Variants in FAM163B observed in about 807,000 individuals in gnomAD.
FAM163B encodes protein FAM163B.
A neutral mutation model predicts 7.6 loss-of-function variants in FAM163B; 4 were observed. That is an observed-to-expected ratio of 0.52 (90% CI 0.26 to 1.20). The LOEUF (loss-of-function observed/expected upper bound fraction) is 1.20. FAM163B is among the 50% of genes most tolerant of loss of function. The pLI, the probability that FAM163B is intolerant of heterozygous loss-of-function variation, is 0.14. For missense variants in FAM163B, 250 were observed against 243.0 expected (o/e 1.03, Z -0.19); for synonymous variants, 120 against 111.6 (o/e 1.07, Z -0.47).
intron 1 of FAM163B, among the ~76,000 whole-genome samples, chr9:133,583,708 G>A (rs1049542504): frequency 6.6e-6 from 1 of 152,220 alleles, no homozygotes; most frequent in Non-Finnish European, 1.5e-5. Context: ...CTCCTCCAGC[G>A]GAGAGCAGCC....
chr9:133,579,036 T>A lies in FAM163B; in HGVS notation c.487A>T (p.Ser163Cys). 6.4e-7 allele frequency: 1 copy of A among 1,554,008 alleles called. No homozygotes were observed. The highest frequency in any genetic ancestry group is 8.7e-7 in the Non-Finnish European group (1 of 1,151,564). ...REAFARSRSI[S>C]TDV ...GCGGGCCCAGGTCACACGTCGGTGC[T>A]GATGCTGCGGCTCCTGGCGAAGGCC... The change falls in exon 3 of 3, where the codon AGC becomes TGC. Residue 163 changes from serine (S) to cysteine (C), a missense_variant. Transcript: ENST00000673969.
Position 133,580,182 on chromosome 9 carries a change from C to T in FAM163B, c.42G>A (p.Ala14=), listed in dbSNP as rs1037626986. The T allele has an allele frequency of 1.5e-5, 25 of 1,613,394 alleles. No homozygotes were observed. The highest frequency in any genetic ancestry group is 3.3e-4 in the Middle Eastern group (2 of 6,084). The change falls in exon 2 of 3, where the codon GCG becomes GCA. Residue 14 remains alanine, a synonymous_variant. Coordinates refer to ENST00000673969, the MANE Select transcript of FAM163B (RefSeq NM_001080515.3). ...GTVVITGGIL[A]TVILLCIIAV... is the part of the protein sequence containing the mutation. ...CGATGATGCAGAGCAAAATCACAGT[C>T]GCCAAGATGCCCCCGGTGATGACCA...
intron 1 of FAM163B, among the ~76,000 whole-genome samples, chr9:133,586,728 G>A (rs1247846696): frequency 1.3e-5 from 2 of 152,184 alleles, no homozygotes; most frequent in Admixed American, 6.5e-5. Flanking sequence ...TGGGCCAGCC[G>A]GAGCTGCTGG....
At chr9:133,593,399 A>T (rs753103828) in intron 1 of FAM163B, among the ~76,000 whole-genome samples, 3 of 151,548 alleles carry the variant, frequency 2.0e-5, no homozygotes, top group Non-Finnish European at 4.4e-5. Flanking sequence ...ACCCTCTGCC[A>T]CCCCCAGCCC....
At position 133,579,223 on chromosome 9, in the gene FAM163B, G is replaced by A; in HGVS notation, c.300C>T (p.Pro100=). Residue 100 remains proline (P), a synonymous_variant, in exon 3 of 3, where the codon CCC becomes CCT. Transcript: ENST00000673969. The stretch of plus-strand genomic sequence containing the variant: ...CCGGCGGCTCCTGCAGGAAGAAGGT[G>A]GGGGGCTCGCAGTGGGAGCAGCTGC... ...LCRSCSHCEP[P]TFFLQEPPEE... is the part of the protein sequence containing the mutation. The A allele has an allele frequency of 2.5e-6, 4 of 1,611,876 alleles. No individual in the cohort carries two copies. Among genetic ancestry groups the A allele is most frequent in the Non-Finnish European group, 3.4e-6 (4 of 1,179,798 alleles).
Position 133,600,827 on chromosome 9 carries a change from G to A in FAM163B, c.-24+8250C>T, listed in dbSNP as rs1831719690. On this transcript the variant is annotated intron_variant, in intron 1 of 2. Coordinates refer to ENST00000673969, the MANE Select transcript of FAM163B (RefSeq NM_001080515.3). The surrounding 1 kb of genome is among the most constrained non-coding windows in gnomAD (Gnocchi z 4.9). The stretch of plus-strand genomic sequence containing the variant: ...GATAACTAGTGTAATCGCAAGCTCA[G>A]TGAACAATCACAGACGCTCCCTAAC... Among the ~76,000 whole-genome samples the A allele has an allele frequency of 6.6e-6, 1 of 152,294 alleles. No homozygotes were observed. Among genetic ancestry groups the A allele is most frequent in the South Asian group, 2.1e-4 (1 of 4,826 alleles).
At chr9:133,599,588 G>A (rs2131257541) in intron 1 of FAM163B, among the ~76,000 whole-genome samples, 1 of 151,890 alleles carries the variant, frequency 6.6e-6, no homozygotes, top group East Asian at 1.9e-4. Context: ...ATGTGTCCGT[G>A]TGCATGTGTG....
chr9:133,593,436 A>C (rs1564194907), intron 1 of FAM163B, among the ~76,000 whole-genome samples: 1 of 151,562 alleles, frequency 6.6e-6, no homozygotes, highest in Non-Finnish European at 1.5e-5. Flanking sequence ...CCCCTCTGCC[A>C]GCCGAGGTCA....
intron 1 of FAM163B, among the ~76,000 whole-genome samples, chr9:133,591,665 C>T (rs1167205776): frequency 6.6e-6 from 1 of 152,208 alleles, no homozygotes; most frequent in Non-Finnish European, 1.5e-5. Context: ...CTCCCAAGTG[C>T]CCAGGGGATG....
At chr9:133,584,737 C>T (rs1477308890) in intron 1 of FAM163B, among the ~76,000 whole-genome samples, 1 of 152,084 alleles carries the variant, frequency 6.6e-6, no homozygotes, top group Non-Finnish European at 1.5e-5. Context: ...GAAGGATGGG[C>T]TGGGAGAAGA....
intron 1 of FAM163B, among the ~76,000 whole-genome samples, chr9:133,607,729 A>G (rs1054177532): frequency 2.0e-5 from 3 of 152,222 alleles, no homozygotes; most frequent in African/African-American, 7.2e-5. Flanking sequence ...GTCTTTTCAT[A>G]GCATCGTGCA....
At chr9:133,604,750 T>C (rs1173935541) in intron 1 of FAM163B, among the ~76,000 whole-genome samples, 1 of 149,760 alleles carries the variant, frequency 6.7e-6, no homozygotes, top group East Asian at 1.9e-4. Context: ...TTCTCACGGG[T>C]TCCTAGGGAT....
At chr9:133,598,995 C>A (rs1831671855) in intron 1 of FAM163B, among the ~76,000 whole-genome samples, 1 of 152,138 alleles carries the variant, frequency 6.6e-6, no homozygotes, top group African/African-American at 2.4e-5. Context: ...CTGCTGGATG[C>A]AGGCAGCACC....
chr9:133,608,684 A>T (rs1831818433), intron 1 of FAM163B, among the ~76,000 whole-genome samples: 1 of 152,260 alleles, frequency 6.6e-6, no homozygotes, highest in Non-Finnish European at 1.5e-5. Flanking sequence ...ACTCTGGAAG[A>T]AGGCAAAGCT....
In FAM163B at chr9:133,605,296, AG is replaced by A. The variant is rs1355183350; in HGVS notation, c.-24+3780del. 2.6e-5 allele frequency among the ~76,000 whole-genome samples: 4 copies of A among 152,134 alleles called. No homozygotes were observed. The East Asian group carries it at 7.7e-4, about 29-fold the overall frequency. The stretch of plus-strand genomic sequence containing the variant: ...CCCAGAGAGGCTGAGTAACCTCACG[AG>A]GGACGCATAGCTTGGATGGAAACAC... On this transcript the variant is annotated intron_variant, in intron 1 of 2. Coordinates refer to ENST00000673969, the MANE Select transcript of FAM163B (RefSeq NM_001080515.3).
At chr9:133,591,974 T>C (rs747628420) in intron 1 of FAM163B, among the ~76,000 whole-genome samples, 44 of 152,138 alleles carry the variant, frequency 2.9e-4, no homozygotes, top group Non-Finnish European at 2.4e-4. Flanking sequence ...TTTAAGATGG[T>C]GCCGGGCCTC....
At chr9:133,603,792 C>A (rs1831758228) in intron 1 of FAM163B, among the ~76,000 whole-genome samples, 1 of 152,204 alleles carries the variant, frequency 6.6e-6, no homozygotes, top group Admixed American at 6.5e-5. Flanking sequence ...ACCTTGCACC[C>A]ATCTTCTAAT....
Position 133,609,377 on chromosome 9 carries a change from C to T in FAM163B, c.-324G>A, listed in dbSNP as rs1365801873. On this transcript the variant is annotated 5_prime_UTR_variant, in exon 1 of 3. Transcript: ENST00000673969. ...CGCGGCTCCAGCCTGGTCCCGAGCG[C>T]AGGGCGCGCGCTGGCGGGGAGGGCG... is the stretch of plus-strand genomic sequence containing the variant. 6.7e-6 allele frequency among the ~76,000 whole-genome samples: 1 copy of T among 149,652 alleles called. No homozygotes were observed. Among genetic ancestry groups the T allele is most frequent in the Non-Finnish European group, 1.5e-5 (1 of 67,198 alleles).
At chr9:133,598,608 A>G (rs1368279627) in intron 1 of FAM163B, among the ~76,000 whole-genome samples, 6 of 114,224 alleles carry the variant, frequency 5.3e-5, no homozygotes, top group African/African-American at 1.3e-4. Flanking sequence ...GGAGAGAGGG[A>G]GGGAGGGAGG....
Sources: gnomAD v4.1 joint callset for allele counts (sites outside exome capture counted in the v4.1 genomes callset) on GRCh38, gnomAD v4.1.1 for gene constraint, Gnocchi (gnomAD v3.1) non-coding constraint, MANE v1.5 for transcripts, NCBI Gene and HGNC (gene_info 2026-07-23, HGNC 2026-07-21) for gene names.